ASTN2: variants seen among roughly 807,000 people sequenced by gnomAD.
The protein encoded by ASTN2 is astrotactin 2, also known as astrotactin-2.
In ASTN2, 54 loss-of-function variants were observed where a neutral mutation model predicts 139.8. The observed-to-expected ratio is 0.39, with a 90% CI of 0.31 to 0.48. ASTN2 has a LOEUF of 0.48. Among genes scored for constraint, ASTN2 ranks in the 20% least tolerant of loss-of-function variants. ASTN2 has a pLI of 0.95. For synonymous variants in ASTN2, 756 were observed against 719.5 expected (o/e 1.05, Z -0.81); for missense variants, 1,565 against 1,725.1 (o/e 0.91, Z 1.64).
intron 13 of ASTN2, among the ~76,000 whole-genome samples, chr9:116,764,177 C>T (rs892363440): frequency 2.6e-5 from 4 of 152,322 alleles, no homozygotes; most frequent in East Asian, 1.9e-4. Context: ...TCCCTTCAAG[C>T]GGGGACTGGT....
chr9:116,753,789 CTT>C (rs1295061529), intron 13 of ASTN2, among the ~76,000 whole-genome samples: 1 of 142,768 alleles, frequency 7.0e-6, no homozygotes, highest in African/African-American at 2.8e-5. Context: ...TGATGTCCAC[CTT>C]TTTTTTTTAT....
At chr9:116,874,477 A>T (rs1833245967) in intron 10 of ASTN2, among the ~76,000 whole-genome samples, 1 of 152,204 alleles carries the variant, frequency 6.6e-6, no homozygotes, top group African/African-American at 2.4e-5. Context: ...AAGGCCCATC[A>T]GCTGTGCAGT....
chr9:117,304,610 C>G (rs1834954365), intron 1 of ASTN2, among the ~76,000 whole-genome samples: 1 of 152,320 alleles, frequency 6.6e-6, no homozygotes, highest in East Asian at 1.9e-4. Flanking sequence ...TTGGCTTCAA[C>G]AGTACTGCTT....
chr9:116,827,972 G>A (rs1453197263), intron 11 of ASTN2, among the ~76,000 whole-genome samples: 1 of 152,082 alleles, frequency 6.6e-6, no homozygotes, highest in Non-Finnish European at 1.5e-5. Flanking sequence ...TATCCCTGAT[G>A]AATATAGATG....
At chr9:116,480,988 A>G (rs1271857388) in intron 20 of ASTN2, among the ~76,000 whole-genome samples, 1 of 152,236 alleles carries the variant, frequency 6.6e-6, no homozygotes, top group Non-Finnish European at 1.5e-5. Context: ...TTTGGTAAGC[A>G]CTGACAATGA....
intron 19 of ASTN2, among the ~76,000 whole-genome samples, chr9:116,525,613 T>C (rs890717981): frequency 6.6e-6 from 1 of 152,186 alleles, no homozygotes; most frequent in Admixed American, 6.5e-5. Context: ...ATTTGAGTGA[T>C]TGTGGTAACC....
At chr9:117,171,656 T>C (rs1830796612) in intron 3 of ASTN2, among the ~76,000 whole-genome samples, 1 of 152,042 alleles carries the variant, frequency 6.6e-6, no homozygotes, top group South Asian at 2.1e-4. Context: ...CTGATGGTTT[T>C]ACAAGGGGCT....
chr9:116,474,112 G>A (rs1011854509), intron 20 of ASTN2, among the ~76,000 whole-genome samples: 3 of 152,146 alleles, frequency 2.0e-5, no homozygotes, highest in African/African-American at 7.2e-5. Flanking sequence ...AACTGTCTGA[G>A]ATTTGAAATG....
chr9:117,230,641 T>A (rs1160245), intron 2 of ASTN2, among the ~76,000 whole-genome samples: 71,858 of 152,022 alleles, frequency 0.47, 17,326 homozygotes, highest in South Asian at 0.62. Context: ...ATTATTTAGT[T>A]GCAAGAGTCA....
At chr9:117,002,716 G>A (rs1004137722) in intron 7 of ASTN2, among the ~76,000 whole-genome samples, 1 of 152,162 alleles carries the variant, frequency 6.6e-6, no homozygotes, top group Non-Finnish European at 1.5e-5. Context: ...TTAATTACAT[G>A]TCAGGCATTA....
At chr9:116,664,684 A>T (rs1858760185) in intron 16 of ASTN2, among the ~76,000 whole-genome samples, 1 of 151,882 alleles carries the variant, frequency 6.6e-6, no homozygotes, top group African/African-American at 2.4e-5. Context: ...CCACTGAAAA[A>T]ATATCTCTAA....
chr9:116,495,073 G>T (rs1433517972), intron 19 of ASTN2, among the ~76,000 whole-genome samples: 1 of 152,194 alleles, frequency 6.6e-6, no homozygotes, highest in African/African-American at 2.4e-5. Context: ...CCTTTCAGGA[G>T]TAAATAGGAC....
intron 21 of ASTN2, among the ~76,000 whole-genome samples, chr9:116,441,953 G>A (rs1358842928): frequency 2.0e-5 from 3 of 152,228 alleles, no homozygotes; most frequent in African/African-American, 7.2e-5. Flanking sequence ...GATAATCACT[G>A]ATGGTAGCTC....
rs1309006765 is a variant in ASTN2 at position 116,425,299 on chromosome 9, A to T, written c.*552T>A. 4.3e-6 allele frequency: 2 copies of T among 469,682 alleles called. No individual in the cohort carries two copies. Among genetic ancestry groups the T allele is most frequent in the African/African-American group, 4.0e-5 (2 of 49,464 alleles). 29.1% of individuals were successfully genotyped at this position (469,682 alleles called of 1,614,324 possible). ...CTGGGCAGACCCACAGGTAGCAGGAAGAGGCAGGGTCCCACAAACTCAATA... is the reference window on the plus strand; with the variant it reads ...CTGGGCAGACCCACAGGTAGCAGGATGAGGCAGGGTCCCACAAACTCAATA... On this transcript the variant is annotated 3_prime_UTR_variant, in exon 23 of 23. Transcript: ENST00000313400.
chr9:116,554,868 A>G (rs1233387629), intron 19 of ASTN2, among the ~76,000 whole-genome samples: 1 of 152,208 alleles, frequency 6.6e-6, no homozygotes, highest in Non-Finnish European at 1.5e-5. Context: ...AAAACACATT[A>G]AGTTAATAAT....
At chr9:117,307,312 G>C (rs1314522116) in intron 1 of ASTN2, among the ~76,000 whole-genome samples, 1 of 152,170 alleles carries the variant, frequency 6.6e-6, no homozygotes, top group African/African-American at 2.4e-5. Context: ...ATGTGTTCAT[G>C]TATGAATACA....
intron 22 of ASTN2, among the ~76,000 whole-genome samples, chr9:116,430,472 TG>T (rs1349191241): frequency 6.6e-6 from 1 of 152,202 alleles, no homozygotes; most frequent in East Asian, 1.9e-4. Context: ...ATGTGAATAA[TG>T]GTTTTGCTGG....
intron 1 of ASTN2, among the ~76,000 whole-genome samples, chr9:117,407,993 C>G (rs1272250028): frequency 6.6e-6 from 1 of 152,142 alleles, no homozygotes; most frequent in Non-Finnish European, 1.5e-5. Flanking sequence ...CTCCACCCAC[C>G]CCCAAAGGCA....
In ASTN2 at chr9:116,967,787, G is replaced by A. The variant is rs554555337; in HGVS notation, c.1889+7421C>T. ...GCCAAGTGCCCCCATGCAATTCATC[G>A]AGTGACTGGCCCCGACTCCAGCCTA... On this transcript the variant is annotated intron_variant, in intron 10 of 22. Coordinates refer to ENST00000313400, the MANE Select transcript of ASTN2 (RefSeq NM_001365068.1). Among the ~76,000 whole-genome samples, 118 of 152,120 alleles carry A rather than the reference G, an allele frequency of 7.8e-4. 2 individuals are homozygous for A. The Middle Eastern group carries it at 0.01, about 13-fold the overall frequency.
Sources: gnomAD v4.1 joint callset for allele counts (sites outside exome capture counted in the v4.1 genomes callset) on GRCh38, gnomAD v4.1.1 for gene constraint, MANE v1.5 for transcripts, NCBI Gene and HGNC (gene_info 2026-07-23, HGNC 2026-07-21) for gene names.